TEAD4: variants seen among roughly 807,000 people sequenced by gnomAD.
TEAD4 encodes transcriptional enhancer factor TEF-3.
Under a neutral mutation model 52.4 loss-of-function variants are expected in TEAD4, and 36 were observed. The observed-to-expected ratio is 0.69, with a 90% CI of 0.53 to 0.91. The LOEUF is 0.91. Ranked by LOEUF, TEAD4 falls within the 40% of genes least tolerant of loss-of-function variation. The pLI, the probability that TEAD4 is intolerant of heterozygous loss-of-function variation, is 0.00. For synonymous variants in TEAD4, 220 were observed against 231.0 expected (o/e 0.95, Z 0.43); for missense variants, 508 against 583.9 (o/e 0.87, Z 1.34).
At chr12:3,039,070 A>G (rs2098281152) in intron 11 of TEAD4, among the ~76,000 whole-genome samples, 1 of 152,134 alleles carries the variant, frequency 6.6e-6, no homozygotes, top group South Asian at 2.1e-4. Context: ...AGCCTTCCTC[A>G]TGCCAAATGC....
intron 3 of TEAD4, among the ~76,000 whole-genome samples, chr12:3,007,379 T>C (rs1296557374): frequency 1.3e-5 from 2 of 152,232 alleles, no homozygotes; most frequent in Non-Finnish European, 2.9e-5. Flanking sequence ...TCGGGCCATA[T>C]TCAAGCACCT....
chr12:2,993,451 G>A (rs756048939), intron 2 of TEAD4, among the ~76,000 whole-genome samples: 11 of 148,606 alleles, frequency 7.4e-5, no homozygotes, highest in African/African-American at 2.0e-4. Flanking sequence ...GCACCCTGCC[G>A]ACTACTTTAT....
At chr12:3,032,178 G>C (rs2098276038) in intron 10 of TEAD4, among the ~76,000 whole-genome samples, 1 of 152,242 alleles carries the variant, frequency 6.6e-6, no homozygotes, top group Non-Finnish European at 1.5e-5. Flanking sequence ...TCCAAACTTG[G>C]TAGTGGCCTG....
In TEAD4 at chr12:3,021,945, G is replaced by T. The variant is rs144593128; in HGVS notation, c.825G>T (p.Pro275=). The change falls in exon 10 of 13, where the codon CCG becomes CCT. Residue 275 remains proline, a synonymous_variant. Transcript: ENST00000359864. ...TCCGCCAAATCTATGACAAATTCCCGGAGAAAAAGGGTGGACTCAAGGATC... is the reference window on the plus strand; with the variant it reads ...TCCGCCAAATCTATGACAAATTCCCTGAGAAAAAGGGTGGACTCAAGGATC... 25 of 1,614,080 alleles carry T rather than the reference G, an allele frequency of 1.5e-5. No homozygotes were observed. The East Asian group carries it at 4.9e-4, about 32-fold the overall frequency.
intron 10 of TEAD4, among the ~76,000 whole-genome samples, chr12:3,026,870 A>G (rs1435728764): frequency 6.6e-6 from 1 of 152,078 alleles, no homozygotes; most frequent in Non-Finnish European, 1.5e-5. Context: ...TGACATTTTA[A>G]TTTTCCAGAG....
intron 2 of TEAD4, among the ~76,000 whole-genome samples, chr12:2,973,082 T>C (rs1293920965): frequency 6.7e-6 from 1 of 150,232 alleles, no homozygotes; most frequent in Non-Finnish European, 1.5e-5. Context: ...GTCTCACAAA[T>C]GGAATCATGC....
At chr12:3,027,141 G>A (rs895944675) in intron 10 of TEAD4, among the ~76,000 whole-genome samples, 4 of 151,990 alleles carry the variant, frequency 2.6e-5, no homozygotes, top group East Asian at 1.9e-4. Flanking sequence ...ACAGGTGCCC[G>A]CTACCACGCT....
chr12:2,998,458 C>T (rs2098249040), intron 3 of TEAD4, among the ~76,000 whole-genome samples: 2 of 151,180 alleles, frequency 1.3e-5, no homozygotes, highest in South Asian at 2.1e-4. Context: ...GTTTGGCAAA[C>T]TGTCCTGGCC....
chr12:3,016,369 C>T (rs901158205), intron 5 of TEAD4, among the ~76,000 whole-genome samples: 2 of 152,112 alleles, frequency 1.3e-5, no homozygotes, highest in East Asian at 1.9e-4. Flanking sequence ...TTGACTCAGT[C>T]GAGCCATTTA....
chr12:2,990,236 TC>T (rs1290780504), intron 2 of TEAD4, among the ~76,000 whole-genome samples: 1 of 152,168 alleles, frequency 6.6e-6, no homozygotes, highest in Non-Finnish European at 1.5e-5. Flanking sequence ...AATATCTTAT[TC>T]TTTCCCATAT....
intron 3 of TEAD4, among the ~76,000 whole-genome samples, chr12:2,996,380 C>A (rs1003468872): frequency 1.3e-5 from 2 of 151,770 alleles, no homozygotes; most frequent in African/African-American, 4.8e-5. Flanking sequence ...CTGATGGTTG[C>A]TTATTTTTTC....
intron 3 of TEAD4, among the ~76,000 whole-genome samples, chr12:3,001,904 A>C (rs946513410): frequency 6.6e-6 from 1 of 152,154 alleles, no homozygotes; most frequent in Non-Finnish European, 1.5e-5. Context: ...CAGCCTGACC[A>C]ACACAGTGAA....
chr12:2,992,265 C>T (rs577789304), intron 2 of TEAD4, among the ~76,000 whole-genome samples: 7 of 152,154 alleles, frequency 4.6e-5, no homozygotes, highest in South Asian at 2.1e-4. Flanking sequence ...GGGATCCACC[C>T]GCCTCGGCCT....
At chr12:3,005,981 G>A (rs2098255637) in intron 3 of TEAD4, among the ~76,000 whole-genome samples, 1 of 152,138 alleles carries the variant, frequency 6.6e-6, no homozygotes, top group Non-Finnish European at 1.5e-5. Context: ...CATGGTGACT[G>A]TAGCGAATAA....
chr12:2,977,323 T>C lies in TEAD4; in HGVS notation c.-30+17283T>C, dbSNP rs144765613. Among the ~76,000 whole-genome samples, 4 of 152,282 alleles carry C rather than the reference T, an allele frequency of 2.6e-5. No individual in the cohort carries two copies. In the East Asian group the frequency reaches 7.7e-4, roughly 29 times the overall value. On this transcript the variant is annotated intron_variant, in intron 2 of 12. Transcript: ENST00000359864. ...CTTTCTCTTTCTCCCCTTCCTGCTC[T>C]CTCTCCCTTTCCCCCTTCCCTTCTT...
intron 10 of TEAD4, among the ~76,000 whole-genome samples, chr12:3,026,495 T>C (rs111251764): frequency 2.0e-5 from 3 of 152,310 alleles, no homozygotes; most frequent in African/African-American, 7.2e-5. Context: ...GTACTCAGGG[T>C]CATGACTGCT....
chr12:3,017,297 A>G, intron 5 of TEAD4, 101 bp from the exon 6 acceptor site: 1 of 1,510,252 alleles, frequency 6.6e-7, no homozygotes, highest in Admixed American at 1.9e-5. Flanking sequence ...AGCTCTGGCC[A>G]CTGGCAGCGA....
intron 3 of TEAD4, among the ~76,000 whole-genome samples, chr12:3,006,605 A>G (rs576923663): frequency 6.6e-6 from 1 of 152,016 alleles, no homozygotes; most frequent in African/African-American, 2.4e-5. Context: ...AATCACTTGA[A>G]CCTGGGAGGC....
chr12:2,998,336 G>A (rs1348819282), intron 3 of TEAD4, among the ~76,000 whole-genome samples: 2 of 152,086 alleles, frequency 1.3e-5, no homozygotes, highest in African/African-American at 2.4e-5. Flanking sequence ...GGGGTTAAGA[G>A]ACCGTGACCA....
Sources: gnomAD v4.1 joint callset for allele counts (sites outside exome capture counted in the v4.1 genomes callset) on GRCh38, gnomAD v4.1.1 for gene constraint, MANE v1.5 for transcripts, NCBI Gene and HGNC (gene_info 2026-07-23, HGNC 2026-07-21) for gene names.